The following KMT5A variants were observed in gnomAD, a reference collection of about 807,000 sequenced individuals.
KMT5A encodes N-lysine methyltransferase KMT5A.
In KMT5A, 6 loss-of-function variants were observed where a neutral mutation model predicts 40.6. That is an observed-to-expected ratio of 0.15 (90% CI 0.08 to 0.29). The LOEUF is 0.29. Ranked by LOEUF, KMT5A falls within the 10% of genes least tolerant of loss-of-function variation. KMT5A has a pLI of 1.00. For synonymous variants in KMT5A, 153 were observed against 178.8 expected (o/e 0.86, Z 1.15); for missense variants, 308 against 459.1 (o/e 0.67, Z 3.01).
At chr12:123,406,505 C>T (rs1878567208) in intron 7 of KMT5A, among the ~76,000 whole-genome samples, 1 of 151,932 alleles carries the variant, frequency 6.6e-6, no homozygotes, top group African/African-American at 2.4e-5. Context: ...GCACAGACAG[C>T]GTTTCACCAT....
Position 123,407,598 on chromosome 12 carries a change from C to G in KMT5A, c.954C>G (p.Leu318=). 1 of 1,613,936 alleles carries G rather than the reference C, an allele frequency of 6.2e-7. No homozygotes were observed. The highest frequency in any genetic ancestry group is 1.1e-5 in the South Asian group (1 of 91,068). The stretch of plus-strand genomic sequence containing the variant: ...ACGACATCGACGGCGTACCTCACCT[C>G]ATCCTCATCGCCTCCCGAGACATCG... ...KLHDIDGVPH[L]ILIASRDIAA... The change falls in exon 8 of 8, where the codon CTC becomes CTG. Residue 318 remains leucine (L), a synonymous_variant. Transcript: ENST00000402868.
At position 123,395,693 on chromosome 12, in the gene KMT5A, T is replaced by C. The variant is rs541157791; in HGVS notation, c.509+427T>C. 4.6e-5 allele frequency among the ~76,000 whole-genome samples: 7 copies of C among 151,584 alleles called. No homozygotes were observed. The East Asian group carries it at 5.9e-4, about 13-fold the overall frequency. On this transcript the variant is annotated intron_variant, in intron 4 of 7. Coordinates refer to ENST00000402868, the MANE Select transcript of KMT5A (RefSeq NM_020382.7). ...GATTCCCCTGCCTCAGCCTCCTGAG[T>C]AACTGGGATTACAGGTGCATGCCAC...
intron 1 of KMT5A, among the ~76,000 whole-genome samples, chr12:123,385,328 T>C (rs539808335): frequency 6.6e-6 from 1 of 152,160 alleles, no homozygotes; most frequent in Non-Finnish European, 1.5e-5. Flanking sequence ...CACTCAACTC[T>C]TGGAGAAAAT....
intron 5 of KMT5A, among the ~76,000 whole-genome samples, chr12:123,396,886 A>G (rs1877769853): frequency 1.3e-5 from 2 of 152,224 alleles, no homozygotes; most frequent in African/African-American, 4.8e-5. Context: ...GCCTTGGGCC[A>G]GTCACTTACC....
At chr12:123,398,281 CAA>C (rs796830823) in intron 5 of KMT5A, among the ~76,000 whole-genome samples, 3 of 134,548 alleles carry the variant, frequency 2.2e-5, no homozygotes, top group Admixed American at 1.5e-4. Context: ...GACTCCGTCT[CAA>C]AAAAAAAAAA....
At chr12:123,388,164 A>G (rs1259112869) in intron 1 of KMT5A, among the ~76,000 whole-genome samples, 2 of 152,048 alleles carry the variant, frequency 1.3e-5, no homozygotes, top group African/African-American at 2.4e-5. Flanking sequence ...GACATGTTAA[A>G]CCCTTCTGCA....
rs1216232737 is a variant in KMT5A, at chr12:123,395,317, T to G, written c.509+51T>G. The G allele has an allele frequency of 2.6e-6, 4 of 1,568,008 alleles. No homozygotes were observed. The African/African-American group carries it at 5.4e-5, about 21-fold the overall frequency. ...CTAACGTGGAGCAGTTTGGTTCCTCTGATGCCAGGGAAGCCTGCTCAGGTG... is the reference window on the plus strand; with the variant it reads ...CTAACGTGGAGCAGTTTGGTTCCTCGGATGCCAGGGAAGCCTGCTCAGGTG... On this transcript the variant is annotated intron_variant, in intron 4 of 7. Coordinates refer to ENST00000402868, the MANE Select transcript of KMT5A (RefSeq NM_020382.7).
rs1566077660 is a variant in KMT5A at position 123,396,342 on chromosome 12, C to T, written c.510-3C>T. 6.2e-7 allele frequency: 1 copy of T among 1,612,690 alleles called. No individual in the cohort carries two copies. Among genetic ancestry groups the T allele is most frequent in the Non-Finnish European group, 8.5e-7 (1 of 1,179,826 alleles). On this transcript the variant is annotated splice_region_variant and splice_polypyrimidine_tract_variant and intron_variant, in intron 4 of 7. Coordinates refer to ENST00000402868, the MANE Select transcript of KMT5A (RefSeq NM_020382.7). ...TATTTTCTCCTCTTCCCCTCTTACC[C>T]AGAGCTCAAGGAAAAACGCAACAGA...
At chr12:123,400,945 C>A (rs912498306) in intron 5 of KMT5A, among the ~76,000 whole-genome samples, 4 of 151,838 alleles carry the variant, frequency 2.6e-5, no homozygotes, top group African/African-American at 4.8e-5. Flanking sequence ...CAAGTGTGCA[C>A]CACTATGCCC....
chr12:123,399,906 C>T (rs1166343261), intron 5 of KMT5A, among the ~76,000 whole-genome samples: 1 of 152,120 alleles, frequency 6.6e-6, no homozygotes, highest in Admixed American at 6.6e-5. Context: ...TCACTGCAGC[C>T]TCCACCTCCC....
At chr12:123,390,229 G>C in intron 2 of KMT5A, 1 of 442,550 alleles carries the variant, frequency 2.3e-6, no homozygotes, top group Non-Finnish European at 4.5e-6. Flanking sequence ...GGTTAATCAG[G>C]TTCCCCGGGG....
Position 123,407,577 on chromosome 12 carries a change from C to T in KMT5A, c.933C>T (p.Asp311=). Residue 311 remains aspartate (D), a synonymous_variant, in exon 8 of 8, where the codon GAC becomes GAT. Transcript: ENST00000402868. The stretch of plus-strand genomic sequence containing the variant: ...GGAACTGCCAAACCAAACTGCACGA[C>T]ATCGACGGCGTACCTCACCTCATCC... ...KCGNCQTKLH[D]IDGVPHLILI... is the part of the protein sequence containing the mutation. The T allele has an allele frequency of 6.2e-7, 1 of 1,613,944 alleles. No homozygotes were observed. The highest frequency in any genetic ancestry group is 1.1e-5 in the South Asian group (1 of 91,066).
Position 123,396,340 on chromosome 12 carries a change from C to G in KMT5A, c.510-5C>G. 6.2e-7 allele frequency: 1 copy of G among 1,612,554 alleles called. No homozygotes were observed. Among genetic ancestry groups the G allele is most frequent in the Admixed American group, 1.7e-5 (1 of 59,994 alleles). ...TTTATTTTCTCCTCTTCCCCTCTTA[C>G]CCAGAGCTCAAGGAAAAACGCAACA... On this transcript the variant is annotated splice_region_variant and splice_polypyrimidine_tract_variant and intron_variant, in intron 4 of 7. Coordinates refer to ENST00000402868, the MANE Select transcript of KMT5A (RefSeq NM_020382.7).
At chr12:123,396,567 TG>T in intron 5 of KMT5A, 135 bp downstream of exon 5, 1 of 773,540 alleles carries the variant, frequency 1.3e-6, no homozygotes, top group East Asian at 2.7e-5. Flanking sequence ...CCTCTGGACT[TG>T]GTTTTCTCCT....
chr12:123,404,974 A>C lies in KMT5A; in HGVS notation c.748A>C (p.Ile250Leu). 6.2e-7 allele frequency: 1 copy of C among 1,614,010 alleles called. No individual in the cohort carries two copies. The change falls in exon 7 of 8, where the codon ATC (isoleucine) becomes CTC (leucine). Residue 250 changes from isoleucine to leucine, a missense_variant. By Grantham distance (5) the Ile-to-Leu change is conservative. Transcript: ENST00000402868. Reference sequence around the variant, plus strand: ...TGTGGTGGAATACCACGGGGACCTCATCGAGATCACCGACGCCAAGAAACG... The same window carrying C: ...TGTGGTGGAATACCACGGGGACCTCCTCGAGATCACCGACGCCAAGAAACG... ...DFVVEYHGDLIEITDAKKREA... is the reference protein window; with the variant it reads ...DFVVEYHGDLLEITDAKKREA...
In KMT5A at chr12:123,396,352, G is replaced by A. The variant is rs759465662; in HGVS notation, c.517G>A (p.Gly173Arg). 3 of 1,613,144 alleles carry A rather than the reference G, an allele frequency of 1.9e-6. No homozygotes were observed. In the South Asian group the frequency reaches 3.3e-5, roughly 18 times the overall value. Residue 173 changes from glycine (G) to arginine (R), a missense_variant, in exon 5 of 8, where the codon GGA becomes AGA. Gly to Arg is a moderately radical substitution (Grantham distance 125). Around this residue, in one of 4 missense-constraint regions of KMT5A, gnomAD observed 127 missense variants for 129.8 expected, o/e 0.98. Coordinates refer to ENST00000402868, the MANE Select transcript of KMT5A (RefSeq NM_020382.7). ...TCTTCCCCTCTTACCCAGAGCTCAA[G>A]GAAAAACGCAACAGAATCGCAAACT... is the stretch of plus-strand genomic sequence containing the variant. ...GKQAPRKKAQ[G>R]KTQQNRKLTD...
intron 5 of KMT5A, 54 bp downstream of exon 5, chr12:123,396,486 C>G: frequency 6.5e-7 from 1 of 1,535,368 alleles, no homozygotes; most frequent in Non-Finnish European, 9.0e-7. Flanking sequence ...GCCCACCAAG[C>G]AGTGCTTGGC....
At chr12:123,400,332 G>T (rs1376035159) in intron 5 of KMT5A, among the ~76,000 whole-genome samples, 2 of 150,772 alleles carry the variant, frequency 1.3e-5, no homozygotes, top group African/African-American at 2.4e-5. Context: ...ACCGTGCCCA[G>T]CCAAAAAGTT....
In KMT5A at chr12:123,384,251, G is replaced by C. The variant is rs200862511; in HGVS notation, c.10+43G>C. 60 of 1,609,822 alleles carry C rather than the reference G, an allele frequency of 3.7e-5. No individual in the cohort carries two copies. In the East Asian group the frequency reaches 1.2e-3, roughly 32 times the overall value. Reference sequence around the variant, plus strand: ...CGGCACCGGAGCGGCTGGGTCGGGGGTCGTGCTGGAGGGGTTGCCGGGGTG... The same window carrying C: ...CGGCACCGGAGCGGCTGGGTCGGGGCTCGTGCTGGAGGGGTTGCCGGGGTG... On this transcript the variant is annotated intron_variant, in intron 1 of 7. Coordinates refer to ENST00000402868, the MANE Select transcript of KMT5A (RefSeq NM_020382.7). This position sits in a 1 kb window ranked among gnomAD's most constrained non-coding sequence, Gnocchi z 5.7.
Sources: allele counts gnomAD v4.1 joint callset (sites outside exome capture counted in the v4.1 genomes callset), GRCh38; gene constraint gnomAD v4.1.1; regional missense constraint gnomAD v4.1.1; non-coding constraint Gnocchi (gnomAD v3.1); transcripts MANE v1.5; gene names NCBI Gene and HGNC (gene_info 2026-07-23, HGNC 2026-07-21).